Variants in THSD4 observed in about 807,000 individuals in gnomAD.
THSD4 encodes the protein thrombospondin type-1 domain-containing protein 4.
THSD4 carries 69 observed loss-of-function variants against 119.0 expected under a neutral mutation model. The observed-to-expected ratio is 0.58, with a 90% confidence interval of 0.48 to 0.71. The LOEUF (loss-of-function observed/expected upper bound fraction) is 0.71, where lower values mean the gene tolerates loss of function less well. THSD4 is among the 30% of genes least tolerant of loss of function. The pLI is 0.00. For missense variants in THSD4, 1,393 were observed against 1,391.1 expected (o/e 1.00, Z -0.02); for synonymous variants, 524 against 540.4 (o/e 0.97, Z 0.42).
intron 6 of THSD4, among the ~76,000 whole-genome samples, chr15:71,375,982 T>C (rs890172249): frequency 1.3e-5 from 2 of 152,220 alleles, no homozygotes; most frequent in East Asian, 3.8e-4. Flanking sequence ...CAATGTACTG[T>C]CACATACCGA....
intron 4 of THSD4, among the ~76,000 whole-genome samples, chr15:71,227,400 G>A (rs147809576): frequency 0.014 from 2,157 of 152,266 alleles, 26 homozygotes; most frequent in Middle Eastern, 0.031. Flanking sequence ...TCTGGAATCC[G>A]CTAGGGCTTT....
intron 7 of THSD4, among the ~76,000 whole-genome samples, chr15:71,546,815 A>G (rs1290684594): frequency 1.3e-5 from 2 of 152,164 alleles, no homozygotes; most frequent in Non-Finnish European, 2.9e-5. Context: ...GCAACCATCA[A>G]ATCAGATCTA....
At chr15:71,618,675 G>T (rs2140923484) in intron 7 of THSD4, among the ~76,000 whole-genome samples, 1 of 152,146 alleles carries the variant, frequency 6.6e-6, no homozygotes, top group Non-Finnish European at 1.5e-5. Flanking sequence ...CTGGGCTCAG[G>T]TGATCCTCCA....
intron 11 of THSD4, among the ~76,000 whole-genome samples, chr15:71,739,602 G>T: frequency 6.6e-6 from 1 of 152,140 alleles, no homozygotes. Flanking sequence ...TCATTGCAAA[G>T]ATACACCTAT....
At chr15:71,099,261 G>A (rs185420649) in intron 1 of THSD4, among the ~76,000 whole-genome samples, 347 of 152,272 alleles carry the variant, frequency 2.3e-3, no homozygotes, top group Middle Eastern at 3.4e-3. Flanking sequence ...GCCACTGGGT[G>A]GACCTGTAAA....
Position 71,207,546 on chromosome 15 carries a change from G to T in THSD4, c.100-7489G>T, listed in dbSNP as rs187293388. 1.3e-4 allele frequency among the ~76,000 whole-genome samples: 20 copies of T among 152,266 alleles called. No individual in the cohort carries two copies. The East Asian group carries it at 3.5e-3, about 26-fold the overall frequency. On this transcript the variant is annotated intron_variant, in intron 3 of 17. Coordinates refer to ENST00000261862, the MANE Select transcript of THSD4 (RefSeq NM_024817.3). ...AATATTTGCAATCATTTAGATCAGG[G>T]ATCTTCAAACCCTGGGCTGTGGACC...
intron 7 of THSD4, among the ~76,000 whole-genome samples, chr15:71,581,773 C>T (rs1381151813): frequency 6.6e-6 from 1 of 152,242 alleles, no homozygotes; most frequent in Non-Finnish European, 1.5e-5. Context: ...AGAGACTATT[C>T]TTTCTCCATT....
intron 6 of THSD4, among the ~76,000 whole-genome samples, chr15:71,301,117 G>T (rs1003093047): frequency 1.3e-5 from 2 of 152,034 alleles, no homozygotes. Context: ...AGGTTGGAGG[G>T]TTTTTCTGTT....
At chr15:71,728,799 T>C in intron 9 of THSD4, 75 bp downstream of exon 9, 5 of 1,566,574 alleles carry the variant, frequency 3.2e-6, no homozygotes, top group Non-Finnish European at 4.4e-6. Flanking sequence ...TCTGAACAAA[T>C]AAGCAACAAA....
chr15:71,755,971 G>T, intron 14 of THSD4, among the ~76,000 whole-genome samples: 1 of 152,190 alleles, frequency 6.6e-6, no homozygotes, highest in East Asian at 1.9e-4. Flanking sequence ...TATGTGATCA[G>T]GGAATAATAG....
intron 6 of THSD4, among the ~76,000 whole-genome samples, chr15:71,391,044 T>TC (rs1231816423): frequency 1.5e-5 from 2 of 132,792 alleles, no homozygotes; most frequent in African/African-American, 5.7e-5. Flanking sequence ...TTTTTTTTTT[T>TC]CTGAGACCAT....
chr15:71,211,334 G>A (rs1401146922), intron 3 of THSD4, among the ~76,000 whole-genome samples: 1 of 152,192 alleles, frequency 6.6e-6, no homozygotes, highest in Non-Finnish European at 1.5e-5. Flanking sequence ...TGGAGGCTGG[G>A]AAGTCCAAGA....
chr15:71,127,131 G>C (rs559482765), intron 1 of THSD4, among the ~76,000 whole-genome samples: 3 of 152,252 alleles, frequency 2.0e-5, no homozygotes, highest in African/African-American at 7.2e-5. Context: ...CTTTGCTTCT[G>C]TGAGTTTGAT....
chr15:71,161,888 GTTTA>G (rs1160584304), intron 3 of THSD4, among the ~76,000 whole-genome samples: 1 of 151,750 alleles, frequency 6.6e-6, no homozygotes, highest in Non-Finnish European at 1.5e-5. Flanking sequence ...CTTTTCTCAT[GTTTA>G]TTTGTGTATC....
chr15:71,129,062 G>A (rs1171068731), intron 1 of THSD4, among the ~76,000 whole-genome samples: 1 of 152,208 alleles, frequency 6.6e-6, no homozygotes, highest in Non-Finnish European at 1.5e-5. Flanking sequence ...CTGGGCCCAA[G>A]GCATACAGGA....
chr15:71,579,066 A>C (rs912439244), intron 7 of THSD4, among the ~76,000 whole-genome samples: 41 of 151,626 alleles, frequency 2.7e-4, no homozygotes, highest in African/African-American at 9.2e-4. Context: ...GATAGTCTCG[A>C]TCTCCTGACC....
intron 5 of THSD4, among the ~76,000 whole-genome samples, chr15:71,254,120 G>A (rs1228738551): frequency 6.6e-6 from 1 of 152,232 alleles, no homozygotes; most frequent in African/African-American, 2.4e-5. Flanking sequence ...GAGCCTCACT[G>A]TGGAGCAGCT....
chr15:71,141,860 T>G (rs2040608103), intron 2 of THSD4, among the ~76,000 whole-genome samples: 1 of 152,120 alleles, frequency 6.6e-6, no homozygotes, highest in Non-Finnish European at 1.5e-5. Context: ...TCCCAGCATT[T>G]TGGGAGGCTG....
At chr15:71,389,938 G>GCCT (rs2046353728) in intron 6 of THSD4, among the ~76,000 whole-genome samples, 1 of 150,074 alleles carries the variant, frequency 6.7e-6, no homozygotes, top group African/African-American at 2.4e-5. Flanking sequence ...GCCTGTAGCT[G>GCCT]GGACTACAGG....
Sources: gnomAD v4.1 joint callset for allele counts (sites outside exome capture counted in the v4.1 genomes callset) on GRCh38, gnomAD v4.1.1 for gene constraint, MANE v1.5 for transcripts, NCBI Gene and HGNC (gene_info 2026-07-23, HGNC 2026-07-21) for gene names.